SMYD1: variants seen among roughly 807,000 people sequenced by gnomAD.
SMYD1 encodes histone-lysine N-methyltransferase SMYD1.
A neutral mutation model predicts 54.0 loss-of-function variants in SMYD1; 49 were observed. The observed-to-expected ratio is 0.91, with a 90% CI of 0.72 to 1.15. SMYD1 has a LOEUF of 1.15. SMYD1 is among the 50% of genes most tolerant of loss of function. SMYD1 has a pLI of 0.00. For missense variants in SMYD1, 653 were observed against 639.6 expected, an observed-to-expected ratio of 1.02 and a Z score of -0.23; for synonymous variants, 269 against 234.2, an observed-to-expected ratio of 1.15 and a Z score of -1.36.
At chr2:88,086,088 A>G (rs1209920289) in intron 2 of SMYD1, among the ~76,000 whole-genome samples, 6 of 152,212 alleles carry the variant, frequency 3.9e-5, no homozygotes, top group Non-Finnish European at 8.8e-5. Context: ...TTAAACACAC[A>G]TACACATTCA....
intron 5 of SMYD1, among the ~76,000 whole-genome samples, chr2:88,095,385 A>G (rs1199204266): frequency 1.3e-5 from 2 of 152,184 alleles, no homozygotes; most frequent in Non-Finnish European, 2.9e-5. Context: ...TGGGAGAAGG[A>G]TTTTTATCCA....
chr2:88,077,426 C>T (rs376169641), intron 1 of SMYD1, among the ~76,000 whole-genome samples: 3 of 152,216 alleles, frequency 2.0e-5, no homozygotes, highest in African/African-American at 7.2e-5. Context: ...AATAATATCC[C>T]TGTGAGGATA....
chr2:88,110,210 T>A (rs900308680), intron 9 of SMYD1, 144 bp from the exon 10 acceptor site: 57 of 757,022 alleles, frequency 7.5e-5, no homozygotes, highest in Non-Finnish European at 8.8e-5. Flanking sequence ...AGTGTGTGTG[T>A]GTGTGTGTGT....
At chr2:88,097,486 A>G (rs1050516743) in intron 6 of SMYD1, among the ~76,000 whole-genome samples, 1 of 152,172 alleles carries the variant, frequency 6.6e-6, no homozygotes. Context: ...AGAAGCTAAA[A>G]CCGAAGAAAG....
chr2:88,078,255 A>G (rs765709186), intron 1 of SMYD1, among the ~76,000 whole-genome samples: 14 of 152,166 alleles, frequency 9.2e-5, no homozygotes, highest in Non-Finnish European at 1.9e-4. Context: ...CATCTTACAC[A>G]TGTTATTTCT....
intron 4 of SMYD1, among the ~76,000 whole-genome samples, chr2:88,092,896 T>A (rs1363123735): frequency 6.6e-6 from 1 of 152,244 alleles, no homozygotes; most frequent in Non-Finnish European, 1.5e-5. Context: ...TTCTTCTGTG[T>A]CTGCTCTGGC....
intron 8 of SMYD1, among the ~76,000 whole-genome samples, chr2:88,107,631 C>A (rs1420833738): frequency 1.3e-5 from 2 of 152,212 alleles, no homozygotes; most frequent in African/African-American, 4.8e-5. Context: ...CCTACTCAAG[C>A]CTCAGCAATG....
At chr2:88,072,586 A>G (rs936918595) in intron 1 of SMYD1, among the ~76,000 whole-genome samples, 5 of 152,234 alleles carry the variant, frequency 3.3e-5, no homozygotes, top group African/African-American at 4.8e-5. Flanking sequence ...ATATTTATCA[A>G]TTCCAGAATA....
chr2:88,104,074 C>T (rs555454690), intron 7 of SMYD1, among the ~76,000 whole-genome samples: 5 of 151,702 alleles, frequency 3.3e-5, no homozygotes, highest in Admixed American at 3.3e-4. Context: ...TCACGCCATT[C>T]TCCTGCCTCA....
At chr2:88,100,987 C>T (rs765838008) in intron 6 of SMYD1, among the ~76,000 whole-genome samples, 4 of 152,176 alleles carry the variant, frequency 2.6e-5, no homozygotes, top group Non-Finnish European at 5.9e-5. Flanking sequence ...TAGCCAAGAG[C>T]TACACAAAAG....
At chr2:88,074,185 C>T (rs1264469052) in intron 1 of SMYD1, among the ~76,000 whole-genome samples, 2 of 152,202 alleles carry the variant, frequency 1.3e-5, no homozygotes, top group Non-Finnish European at 2.9e-5. Context: ...CCCTTTGCTG[C>T]TGTCACAAAC....
At chr2:88,108,147 G>T (rs1002014956) in intron 8 of SMYD1, among the ~76,000 whole-genome samples, 2 of 152,198 alleles carry the variant, frequency 1.3e-5, no homozygotes, top group Non-Finnish European at 2.9e-5. Flanking sequence ...TGGCTGGGCA[G>T]CCCAGGCCGG....
Position 88,111,897 on chromosome 2 carries a change from C to T in SMYD1, c.*1385C>T. ...TACCATTGACCTCAGAGCTGTACCC[C>T]ACATCTTGAAGTAAATTGATCCCAC... On this transcript the variant is annotated 3_prime_UTR_variant, in exon 10 of 10. Coordinates refer to ENST00000419482, the MANE Select transcript of SMYD1 (RefSeq NM_198274.4). 1 of 611,840 alleles carries T rather than the reference C, an allele frequency of 1.6e-6. No homozygotes were observed. Among genetic ancestry groups the T allele is most frequent in the Non-Finnish European group, 3.0e-6 (1 of 338,510 alleles). 37.9% of individuals were successfully genotyped at this position (611,840 alleles called of 1,614,324 possible).
At chr2:88,106,246 T>C (rs1437747350) in intron 7 of SMYD1, 79 bp from the exon 8 acceptor site, 1 of 1,545,186 alleles carries the variant, frequency 6.5e-7, no homozygotes, top group Admixed American at 1.8e-5. Context: ...TTGTCTGGTA[T>C]CACCATGATG....
chr2:88,069,582 C>A (rs565709694), intron 1 of SMYD1, among the ~76,000 whole-genome samples: 2 of 152,332 alleles, frequency 1.3e-5, no homozygotes, highest in East Asian at 3.9e-4. Flanking sequence ...AAGAACATCT[C>A]CATTTGCTGC....
At chr2:88,092,467 G>A (rs1674484157) in intron 4 of SMYD1, among the ~76,000 whole-genome samples, 3 of 152,144 alleles carry the variant, frequency 2.0e-5, no homozygotes, top group Admixed American at 6.5e-5. Context: ...CATCAACAAT[G>A]AGCAAGTTTC....
intron 3 of SMYD1, among the ~76,000 whole-genome samples, chr2:88,088,459 G>T (rs542625224): frequency 6.6e-6 from 1 of 152,226 alleles, no homozygotes; most frequent in South Asian, 2.1e-4. Flanking sequence ...AGTTGGGAGG[G>T]GAGGCCAAGA....
chr2:88,093,593 C>A, intron 5 of SMYD1, 38 bp downstream of exon 5: 1 of 1,612,922 alleles, frequency 6.2e-7, no homozygotes, highest in Non-Finnish European at 8.5e-7. Context: ...CTCCTCTGAC[C>A]CATCTCCCTC....
At chr2:88,100,125 G>A (rs1434018477) in intron 6 of SMYD1, among the ~76,000 whole-genome samples, 2 of 151,978 alleles carry the variant, frequency 1.3e-5, no homozygotes, top group Admixed American at 6.6e-5. Flanking sequence ...TTTCACAGCG[G>A]GGGTTCCTTA....
Sources: allele counts gnomAD v4.1 joint callset (sites outside exome capture counted in the v4.1 genomes callset), GRCh38; gene constraint gnomAD v4.1.1; transcripts MANE v1.5; gene names NCBI Gene and HGNC (gene_info 2026-07-23, HGNC 2026-07-21).